Variants in SGO2 observed in about 807,000 individuals in gnomAD.
SGO2 encodes the protein shugoshin 2.
SGO2 carries 68 observed loss-of-function variants against 99.5 expected under a neutral mutation model. The observed-to-expected ratio is 0.68, with a 90% CI of 0.56 to 0.84. The LOEUF is 0.84. Among genes scored for constraint, SGO2 ranks in the 40% least tolerant of loss-of-function variants. The probability of loss-of-function intolerance (pLI) is 0.00; values close to 1 mark genes in which losing one functional copy is unlikely to be tolerated. For missense variants in SGO2, 1,350 were observed against 1,436.7 expected, an observed-to-expected ratio of 0.94 and a Z score of 0.97; for synonymous variants, 457 against 487.1, an observed-to-expected ratio of 0.94 and a Z score of 0.81.
In SGO2 at chr2:200,561,179, C is replaced by T. The variant is rs572694134; in HGVS notation, c.474-8484C>T. On this transcript the variant is annotated intron_variant, in intron 5 of 8. Coordinates refer to ENST00000357799, the MANE Select transcript of SGO2 (RefSeq NM_152524.6). ...CATTTACATTAGGTATGTTTCCTAACGCTATCCCTCCCCTCTGCCCCCACC... is the reference window on the plus strand; with the variant it reads ...CATTTACATTAGGTATGTTTCCTAATGCTATCCCTCCCCTCTGCCCCCACC... Among the ~76,000 whole-genome samples, 7 of 152,206 alleles carry T rather than the reference C, an allele frequency of 4.6e-5. No individual in the cohort carries two copies. In the South Asian group the frequency reaches 6.2e-4, roughly 14 times the overall value.
chr2:200,554,441 T>G (rs1027172354), intron 5 of SGO2, among the ~76,000 whole-genome samples: 2 of 152,212 alleles, frequency 1.3e-5, no homozygotes, highest in Non-Finnish European at 2.9e-5. Context: ...GAAACTTGCA[T>G]TCAAGAGCAC....
Position 200,571,421 on chromosome 2 carries a change from A to G in SGO2, c.1075A>G (p.Thr359Ala). Residue 359 changes from threonine (T) to alanine (A), a missense_variant, in exon 7 of 9, where the codon ACT becomes GCT. Thr to Ala is a moderately conservative substitution (Grantham distance 58, BLOSUM62 0). Coordinates refer to ENST00000357799, the MANE Select transcript of SGO2 (RefSeq NM_152524.6). ...EDNDDFQLQKTVYDADMDLTA... is the reference protein window; with the variant it reads ...EDNDDFQLQKAVYDADMDLTA... ...TAATGATGACTTTCAATTGCAGAAA[A>G]CTGTGTATGATGCTGACATGGATTT... is the stretch of plus-strand genomic sequence containing the variant. 6.2e-7 allele frequency: 1 copy of G among 1,609,968 alleles called. No homozygotes were observed. Among genetic ancestry groups the G allele is most frequent in the South Asian group, 1.1e-5 (1 of 90,614 alleles).
At chr2:200,578,643 T>A (rs1002718469) in intron 8 of SGO2, among the ~76,000 whole-genome samples, 7 of 152,190 alleles carry the variant, frequency 4.6e-5, no homozygotes, top group African/African-American at 7.2e-5. Context: ...GCATGGCCAC[T>A]TACTTCAAAG....
intron 5 of SGO2, among the ~76,000 whole-genome samples, chr2:200,561,638 T>A (rs1309755377): frequency 6.6e-6 from 1 of 152,212 alleles, no homozygotes; most frequent in Admixed American, 6.5e-5. Context: ...TGCCACCCTG[T>A]CTTCCACAAT....
chr2:200,565,302 A>C (rs1645639542), intron 5 of SGO2, among the ~76,000 whole-genome samples: 3 of 152,098 alleles, frequency 2.0e-5, no homozygotes, highest in Admixed American at 2.0e-4. Flanking sequence ...AAAGGATTTT[A>C]TTTCTCCTTC....
In SGO2 at chr2:200,573,351, A is replaced by G; in HGVS notation, c.3005A>G (p.Lys1002Arg). 3 of 1,603,574 alleles carry G rather than the reference A, an allele frequency of 1.9e-6. No individual in the cohort carries two copies. Among genetic ancestry groups the G allele is most frequent in the South Asian group, 2.3e-5 (2 of 88,130 alleles). ...CKAKNILTKA[K>R]NKLASQLTES... ...GCAAAGAACATTTTGACAAAAGCTA[A>G]GAACAAACTTGCTTCACAGTTAACA... Residue 1002 changes from lysine (K) to arginine (R), a missense_variant, in exon 7 of 9, where the codon AAG becomes AGG. Lys to Arg is a conservative substitution (Grantham distance 26, BLOSUM62 2). Coordinates refer to ENST00000357799, the MANE Select transcript of SGO2 (RefSeq NM_152524.6).
Position 200,569,810 on chromosome 2 carries a change from A to G in SGO2, c.621A>G (p.Leu207=). Residue 207 remains leucine (L), a synonymous_variant, in exon 6 of 9, where the codon TTA becomes TTG. Transcript: ENST00000357799. ...PLSTQDNSEV[L]FLKENNQNVY... is the part of the protein sequence containing the mutation. ...CAACTCAGGATAATTCGGAAGTGTTATTTCTTAAAGAAAATAATCAAAATG... is the reference window on the plus strand; with the variant it reads ...CAACTCAGGATAATTCGGAAGTGTTGTTTCTTAAAGAAAATAATCAAAATG... 3 of 1,609,662 alleles carry G rather than the reference A, an allele frequency of 1.9e-6. No individual in the cohort carries two copies. The highest frequency in any genetic ancestry group is 2.6e-6 in the Non-Finnish European group (3 of 1,176,184).
At chr2:200,533,246 T>C in intron 2 of SGO2, 138 bp downstream of exon 2, 1 of 907,890 alleles carries the variant, frequency 1.1e-6, no homozygotes, top group Non-Finnish European at 1.6e-6. Context: ...TTAAATTTGA[T>C]CCTTCCTATC....
chr2:200,542,469 G>A, intron 4 of SGO2, 110 bp from the exon 5 acceptor site: 2 of 687,074 alleles, frequency 2.9e-6, no homozygotes, highest in Admixed American at 2.9e-5. Context: ...AAAGGTAAAT[G>A]CAAAAATTGT....
At chr2:200,539,606 C>A (rs2031862681) in intron 4 of SGO2, among the ~76,000 whole-genome samples, 1 of 151,816 alleles carries the variant, frequency 6.6e-6, no homozygotes. Context: ...AGGTAAGATG[C>A]CATTTTTCTC....
Position 200,583,485 on chromosome 2 carries a change from T to C in SGO2, c.*21T>C, listed in dbSNP as rs1263248934. 1.9e-6 allele frequency: 3 copies of C among 1,582,420 alleles called. No individual in the cohort carries two copies. Among genetic ancestry groups the C allele is most frequent in the Non-Finnish European group, 2.6e-6 (3 of 1,165,922 alleles). On this transcript the variant is annotated 3_prime_UTR_variant, in exon 9 of 9. Transcript: ENST00000357799. ...GATGAAGTGAATTTATGGATTCTGG[T>C]TTTTCTGAATTTTCAAAGCATAAGG...
At chr2:200,536,845 A>G (rs1164141501) in intron 4 of SGO2, among the ~76,000 whole-genome samples, 1 of 152,152 alleles carries the variant, frequency 6.6e-6, no homozygotes, top group Non-Finnish European at 1.5e-5. Context: ...AGATAAGAAA[A>G]GTATAGAATA....
Position 200,571,955 on chromosome 2 carries a change from A to G in SGO2, c.1609A>G (p.Thr537Ala). The G allele has an allele frequency of 1.9e-6, 3 of 1,609,956 alleles. No homozygotes were observed. The highest frequency in any genetic ancestry group is 2.5e-6 in the Non-Finnish European group (3 of 1,178,820). ...TCNKSKASRQ[T>A]FVIHKLEKDN... ...TAATAAAAGTAAAGCTTCTAGACAGACATTTGTGATTCACAAATTAGAAAA... is the reference window on the plus strand; with the variant it reads ...TAATAAAAGTAAAGCTTCTAGACAGGCATTTGTGATTCACAAATTAGAAAA... The change falls in exon 7 of 9, where the codon ACA becomes GCA. Residue 537 changes from threonine to alanine, a missense_variant. Thr to Ala is a moderately conservative substitution (Grantham distance 58). Coordinates refer to ENST00000357799, the MANE Select transcript of SGO2 (RefSeq NM_152524.6).
intron 5 of SGO2, among the ~76,000 whole-genome samples, chr2:200,556,619 A>C (rs1206139682): frequency 6.6e-6 from 1 of 152,146 alleles, no homozygotes; most frequent in Non-Finnish European, 1.5e-5. Context: ...ACCAGAAAGT[A>C]CTCATTCCCT....
At chr2:200,574,445 AC>A (rs1387890614) in intron 7 of SGO2, among the ~76,000 whole-genome samples, 1 of 151,936 alleles carries the variant, frequency 6.6e-6, no homozygotes, top group East Asian at 1.9e-4. Flanking sequence ...AACAATACCA[AC>A]CCCCTTTCCT....
chr2:200,546,582 A>G (rs1180509022), intron 5 of SGO2, among the ~76,000 whole-genome samples: 2 of 152,088 alleles, frequency 1.3e-5, no homozygotes, highest in East Asian at 3.8e-4. Context: ...TGGACCAAGA[A>G]TTCTAAATAG....
At chr2:200,532,576 T>C (rs1377251928) in intron 1 of SGO2, among the ~76,000 whole-genome samples, 2 of 152,146 alleles carry the variant, frequency 1.3e-5, no homozygotes, top group African/African-American at 4.8e-5. Flanking sequence ...TCCAACCCCC[T>C]TCCCCACCTT....
rs753294726 is a variant in SGO2, at chr2:200,571,618, T to C, written c.1272T>C (p.Asp424=). 11 of 1,612,562 alleles carry C rather than the reference T, an allele frequency of 6.8e-6. No homozygotes were observed. The African/African-American group carries it at 1.1e-4, about 16-fold the overall frequency. ...KRQFKNSSDV[D]IGEKIENRTE... Reference sequence around the variant, plus strand: ...AGTTTAAAAATAGTTCAGATGTCGATATTGGGGAAAAGATTGAAAACAGGA... The same window carrying C: ...AGTTTAAAAATAGTTCAGATGTCGACATTGGGGAAAAGATTGAAAACAGGA... Residue 424 remains aspartate, a synonymous_variant, in exon 7 of 9, where the codon GAT becomes GAC. Transcript: ENST00000357799.
intron 3 of SGO2, among the ~76,000 whole-genome samples, chr2:200,535,687 A>G (rs141614536): frequency 6.6e-6 from 1 of 152,120 alleles, no homozygotes; most frequent in African/African-American, 2.4e-5. Context: ...AGAACTTTTT[A>G]TAATGGAAAA....
Sources: allele counts gnomAD v4.1 joint callset (sites outside exome capture counted in the v4.1 genomes callset), GRCh38; gene constraint gnomAD v4.1.1; transcripts MANE v1.5; gene names NCBI Gene and HGNC (gene_info 2026-07-23, HGNC 2026-07-21).